Variants in FGF12 observed in about 807,000 individuals in gnomAD.
FGF12 encodes fibroblast growth factor 12.
FGF12 carries 14 observed loss-of-function variants against 23.6 expected under a neutral mutation model. The ratio of observed to expected loss-of-function variants is 0.59; its 90% CI spans 0.39 to 0.93. The LOEUF is 0.93. Among genes scored for constraint, FGF12 ranks in the 40% least tolerant of loss-of-function variants. The probability of loss-of-function intolerance (pLI) is 0.00; values close to 1 mark genes in which losing one functional copy is unlikely to be tolerated. For synonymous variants in FGF12, 62 were observed against 77.3 expected, an observed-to-expected ratio of 0.80 and a Z score of 1.04; for missense variants, 175 against 217.8, an observed-to-expected ratio of 0.80 and a Z score of 1.24.
intron 2 of FGF12, among the ~76,000 whole-genome samples, chr3:192,638,983 A>G (rs571205953): frequency 3.3e-5 from 5 of 152,370 alleles, no homozygotes; most frequent in African/African-American, 9.6e-5. Context: ...TTTGCACTAC[A>G]AAGGAAACAA....
intron 2 of FGF12, among the ~76,000 whole-genome samples, chr3:192,570,525 T>A (rs1302827706): frequency 6.6e-6 from 1 of 152,216 alleles, no homozygotes; most frequent in East Asian, 1.9e-4. Flanking sequence ...CTTTGATCTC[T>A]CAGCCTAATT....
chr3:192,290,276 ACAT>A (rs1291426440), intron 4 of FGF12, among the ~76,000 whole-genome samples: 2 of 152,174 alleles, frequency 1.3e-5, no homozygotes, highest in Non-Finnish European at 2.9e-5. Context: ...ATATATCAAA[ACAT>A]CAGTCTGTAC....
At chr3:192,218,371 A>G (rs1020797218) in intron 4 of FGF12, among the ~76,000 whole-genome samples, 1 of 152,100 alleles carries the variant, frequency 6.6e-6, no homozygotes, top group African/African-American at 2.4e-5. Context: ...GTTATCCCCA[A>G]TGTTGGAGGA....
intron 2 of FGF12, among the ~76,000 whole-genome samples, chr3:192,417,374 G>A (rs1445256876): frequency 6.8e-6 from 1 of 147,588 alleles, no homozygotes; most frequent in South Asian, 2.1e-4. Flanking sequence ...AAAAAAAAAT[G>A]CTAAAAATGA....
intron 2 of FGF12, among the ~76,000 whole-genome samples, chr3:192,645,284 A>G (rs1715961212): frequency 6.6e-6 from 1 of 152,164 alleles, no homozygotes; most frequent in African/African-American, 2.4e-5. Context: ...AGTTAGGAGG[A>G]TATCATAACA....
intron 2 of FGF12, among the ~76,000 whole-genome samples, chr3:192,695,028 C>CA (rs999151343): frequency 1.4e-4 from 20 of 147,032 alleles, no homozygotes; most frequent in East Asian, 1.0e-3. Flanking sequence ...GTGTTCTTAA[C>CA]AAAAAAAAAG....
intron 3 of FGF12, among the ~76,000 whole-genome samples, chr3:192,343,631 C>A (rs1378668495): frequency 6.6e-6 from 1 of 152,090 alleles, no homozygotes; most frequent in African/African-American, 2.4e-5. Context: ...GCTCTTAAAT[C>A]TTCCAATACA....
chr3:192,492,434 A>G (rs974879129), intron 2 of FGF12, among the ~76,000 whole-genome samples: 6 of 152,102 alleles, frequency 3.9e-5, no homozygotes, highest in African/African-American at 1.2e-4. Flanking sequence ...TTACTGAGAT[A>G]TTAGTAGTCA....
chr3:192,166,405 C>A (rs1440750814), intron 5 of FGF12, among the ~76,000 whole-genome samples: 1 of 152,150 alleles, frequency 6.6e-6, no homozygotes, highest in Non-Finnish European at 1.5e-5. Flanking sequence ...AATTAGGAGA[C>A]ATTTATTCAA....
intron 5 of FGF12, among the ~76,000 whole-genome samples, chr3:192,154,189 A>G (rs1285517934): frequency 9.9e-6 from 1 of 101,036 alleles, no homozygotes. Flanking sequence ...ACTTCTCTGT[A>G]TTGGTTATTC....
intron 4 of FGF12, among the ~76,000 whole-genome samples, chr3:192,268,924 T>A (rs1172842396): frequency 6.6e-6 from 1 of 152,142 alleles, no homozygotes. Flanking sequence ...TTGTTTTTTA[T>A]TTTTTTGAGA....
chr3:192,725,093 C>G (rs1220016494), intron 2 of FGF12, among the ~76,000 whole-genome samples: 3 of 152,180 alleles, frequency 2.0e-5, no homozygotes, highest in Non-Finnish European at 2.9e-5. Context: ...ATACACATTT[C>G]TCTTAATACA....
chr3:192,299,228 G>A (rs1715210058), intron 4 of FGF12, among the ~76,000 whole-genome samples: 1 of 152,216 alleles, frequency 6.6e-6, no homozygotes, highest in African/African-American at 2.4e-5. Context: ...GGAAGGCCAA[G>A]AAGTAGAAAT....
At chr3:192,275,074 T>C (rs1713695432) in intron 4 of FGF12, among the ~76,000 whole-genome samples, 1 of 152,184 alleles carries the variant, frequency 6.6e-6, no homozygotes, top group South Asian at 2.1e-4. Context: ...TTTTGTTCAG[T>C]ACCTGGCATG....
At chr3:192,719,896 T>C (rs1400472721) in intron 2 of FGF12, among the ~76,000 whole-genome samples, 1 of 152,106 alleles carries the variant, frequency 6.6e-6, no homozygotes, top group African/African-American at 2.4e-5. Flanking sequence ...ATTTCCCAAA[T>C]TACCTGTGTT....
chr3:192,466,007 G>A lies in FGF12; in HGVS notation c.14-105469C>T, dbSNP rs1386071776. On this transcript the variant is annotated intron_variant, in intron 2 of 5. Coordinates refer to ENST00000445105, the MANE Select transcript of FGF12 (RefSeq NM_004113.6). ...CTGGAAGATGCATCATCAGGCGATC[G>A]CTACTGTGAGCATTGTGCGATCACC... Among the ~76,000 whole-genome samples, 8 of 152,212 alleles carry A rather than the reference G, an allele frequency of 5.3e-5. No homozygotes were observed. In the East Asian group the frequency reaches 1.4e-3, roughly 26 times the overall value.
intron 2 of FGF12, among the ~76,000 whole-genome samples, chr3:192,381,377 T>C (rs1719805274): frequency 6.6e-6 from 1 of 152,196 alleles, no homozygotes; most frequent in African/African-American, 2.4e-5. Context: ...CCTGCCTTCA[T>C]TCCTTCCATC....
At chr3:192,244,139 C>G (rs1719764602) in intron 4 of FGF12, among the ~76,000 whole-genome samples, 1 of 152,046 alleles carries the variant, frequency 6.6e-6, no homozygotes. Context: ...AATACTATAT[C>G]TAGGGAGATC....
chr3:192,411,774 G>A (rs1721207817), intron 2 of FGF12, among the ~76,000 whole-genome samples: 1 of 152,222 alleles, frequency 6.6e-6, no homozygotes, highest in Non-Finnish European at 1.5e-5. Flanking sequence ...AAGGGGAGTA[G>A]CCAGAGAAAT....
Sources: gnomAD v4.1 joint callset for allele counts (sites outside exome capture counted in the v4.1 genomes callset) on GRCh38, gnomAD v4.1.1 for gene constraint, MANE v1.5 for transcripts, NCBI Gene and HGNC (gene_info 2026-07-23, HGNC 2026-07-21) for gene names.